The following GNAL variants were observed in gnomAD, a reference collection of about 807,000 sequenced individuals.
The protein encoded by GNAL is guanine nucleotide-binding protein G(olf) subunit alpha.
In GNAL, 18 loss-of-function variants were observed where a neutral mutation model predicts 55.1. The ratio of observed to expected loss-of-function variants is 0.33; its 90% CI spans 0.23 to 0.48. GNAL has a LOEUF of 0.48. Ranked by LOEUF, GNAL falls within the 20% of genes least tolerant of loss-of-function variation. The pLI, the probability that GNAL is intolerant of heterozygous loss-of-function variation, is 0.99. For synonymous variants in GNAL, 253 were observed against 237.0 expected (o/e 1.07, Z -0.62); for missense variants, 412 against 614.1 (o/e 0.67, Z 3.48).
intron 7 of GNAL, among the ~76,000 whole-genome samples, chr18:11,866,745 GAC>G (rs2036271444): frequency 6.7e-6 from 1 of 150,286 alleles, no homozygotes; most frequent in Non-Finnish European, 1.5e-5. Flanking sequence ...TGGGAGGGAA[GAC>G]ACAGTGTCCT....
intron 1 of GNAL, among the ~76,000 whole-genome samples, chr18:11,748,867 A>G (rs562185029): frequency 3.0e-4 from 45 of 152,148 alleles, no homozygotes; most frequent in African/African-American, 1.1e-3. Flanking sequence ...GCTCAGGTCT[A>G]TAATCCCAGC....
chr18:11,754,266 A>T (rs966451919), intron 4 of GNAL, among the ~76,000 whole-genome samples: 1 of 151,992 alleles, frequency 6.6e-6, no homozygotes, highest in Non-Finnish European at 1.5e-5. Flanking sequence ...AATACAAAAA[A>T]ATTAGCTGGG....
At chr18:11,839,326 T>G (rs1388693131) in intron 5 of GNAL, among the ~76,000 whole-genome samples, 1 of 151,926 alleles carries the variant, frequency 6.6e-6, no homozygotes, top group Admixed American at 6.6e-5. Flanking sequence ...GGAGGATCAC[T>G]TGAGCCTAGG....
intron 5 of GNAL, among the ~76,000 whole-genome samples, chr18:11,850,382 G>A (rs536164230): frequency 6.6e-6 from 1 of 152,300 alleles, no homozygotes. Flanking sequence ...AGATTAAAAT[G>A]ATCTCTAAAC....
chr18:11,852,167 G>C (rs2035889514), intron 5 of GNAL: 3 of 1,489,442 alleles, frequency 2.0e-6, no homozygotes, highest in Non-Finnish European at 2.7e-6. Flanking sequence ...AATGCTCTCT[G>C]TGTGTTAGAG....
intron 4 of GNAL, among the ~76,000 whole-genome samples, chr18:11,759,160 G>A (rs1349882901): frequency 6.0e-5 from 9 of 151,230 alleles, no homozygotes; most frequent in East Asian, 1.9e-4. Context: ...GCAACAGAGC[G>A]AGACTCCGTC....
chr18:11,806,752 TTTATC>T (rs58617621), intron 4 of GNAL, among the ~76,000 whole-genome samples: 2,911 of 151,712 alleles, frequency 0.019, 110 homozygotes, highest in African/African-American at 0.068. Context: ...TTTTTTAACT[TTTATC>T]TTAAGTTCAG....
chr18:11,881,327 C>CGA lies in GNAL; in HGVS notation c.*192_*193insGA. 2.2e-5 allele frequency: 11 copies of CGA among 495,210 alleles called. No individual in the cohort carries two copies. The highest frequency in any genetic ancestry group is 1.0e-4 in the Admixed American group (3 of 29,320). The allele number at this position is 495,210 out of a possible 1,614,324, so 30.7% of individuals were successfully genotyped here. A position where few individuals can be genotyped will look rare whatever the true frequency, so the allele number is the denominator to read the frequency against. On this transcript the variant is annotated 3_prime_UTR_variant, in exon 12 of 12. Transcript: ENST00000334049. This position sits in a 1 kb window ranked among gnomAD's most constrained non-coding sequence, Gnocchi z 4.8. ...TAGCTTCTGTTGTCATTGAATACGG[C>CGA]CTCCCGCAGCATCCCACCCCCAAAC...
intron 1 of GNAL, among the ~76,000 whole-genome samples, chr18:11,705,122 C>T (rs979430270): frequency 2.0e-5 from 3 of 150,322 alleles, no homozygotes; most frequent in Admixed American, 6.6e-5. Flanking sequence ...ACTTCCCTCT[C>T]CCCCAAACCC....
At chr18:11,717,112 A>G (rs1319803166) in intron 1 of GNAL, among the ~76,000 whole-genome samples, 2 of 152,238 alleles carry the variant, frequency 1.3e-5, no homozygotes, top group Non-Finnish European at 2.9e-5. Context: ...GCTAAGGCCC[A>G]GGGAGAAATT....
At chr18:11,774,623 C>T (rs2033727804) in intron 4 of GNAL, among the ~76,000 whole-genome samples, 1 of 152,026 alleles carries the variant, frequency 6.6e-6, no homozygotes, top group Non-Finnish European at 1.5e-5. Context: ...AAACAGAAGC[C>T]CAGAGAACAT....
At chr18:11,722,778 G>A (rs1001454963) in intron 1 of GNAL, among the ~76,000 whole-genome samples, 1 of 152,062 alleles carries the variant, frequency 6.6e-6, no homozygotes, top group Non-Finnish European at 1.5e-5. Context: ...TTGGGAGGCC[G>A]AGGCAGGTGG....
intron 5 of GNAL, among the ~76,000 whole-genome samples, chr18:11,843,983 CAA>C (rs2035676818): frequency 6.6e-6 from 1 of 151,504 alleles, no homozygotes; most frequent in Non-Finnish European, 1.5e-5. Context: ...CAAAAAAAAA[CAA>C]AAAACTTTAT....
chr18:11,789,514 T>C (rs2034169603), intron 4 of GNAL, among the ~76,000 whole-genome samples: 2 of 152,226 alleles, frequency 1.3e-5, no homozygotes, highest in Non-Finnish European at 2.9e-5. Flanking sequence ...CATGTGCATA[T>C]AACTTAAGGT....
Position 11,884,741 on chromosome 18 carries a change from G to A in GNAL, c.*3606G>A. 1 of 1,343,350 alleles carries A rather than the reference G, an allele frequency of 7.4e-7. No homozygotes were observed. The highest frequency in any genetic ancestry group is 1.0e-6 in the Non-Finnish European group (1 of 986,768). 83.2% of individuals were successfully genotyped at this position (1,343,350 alleles called of 1,614,324 possible). The stretch of plus-strand genomic sequence containing the variant: ...CTCAGGTCCCCCTCAGGTGAGGCAG[G>A]GAACGGGCCCTCCTCACCTGAGACC... On this transcript the variant is annotated 3_prime_UTR_variant, in exon 12 of 12. Transcript: ENST00000334049.
At chr18:11,861,717 C>G (rs867919100) in intron 5 of GNAL, among the ~76,000 whole-genome samples, 4 of 152,282 alleles carry the variant, frequency 2.6e-5, no homozygotes, top group Non-Finnish European at 1.5e-5. Context: ...CCAAGAGCGG[C>G]GCACAGCCTT....
In GNAL at chr18:11,768,905, A is replaced by AT. The variant is rs1393254850; in HGVS notation, c.624+14960_624+14961insT. Among the ~76,000 whole-genome samples, 56 of 109,926 alleles carry AT rather than the reference A, an allele frequency of 5.1e-4. 1 individual carries two copies. Among genetic ancestry groups the AT allele is most frequent in the African/African-American group, 6.5e-4 (13 of 20,062 alleles). The allele number at this position is 109,926 out of a possible 152,430, so 72.1% of individuals were successfully genotyped here. On this transcript the variant is annotated intron_variant, in intron 4 of 11. Transcript: ENST00000334049. ...CAAGACTCTGTCTCAAAAAAAAAAA[A>AT]AAATATATATATAACATATTATTAT...
At chr18:11,862,750 T>C (rs1039758441) in intron 6 of GNAL, among the ~76,000 whole-genome samples, 1 of 152,062 alleles carries the variant, frequency 6.6e-6, no homozygotes, top group Non-Finnish European at 1.5e-5. Flanking sequence ...AAGTCTTTAC[T>C]TCCTGGCTTC....
intron 1 of GNAL, among the ~76,000 whole-genome samples, chr18:11,724,791 G>A (rs980353006): frequency 3.9e-5 from 6 of 152,222 alleles, no homozygotes; most frequent in Non-Finnish European, 7.3e-5. Context: ...GTGGCCTGTA[G>A]TCAAGCATTC....
Sources: gnomAD v4.1 joint callset for allele counts (sites outside exome capture counted in the v4.1 genomes callset) on GRCh38, gnomAD v4.1.1 for gene constraint, Gnocchi (gnomAD v3.1) non-coding constraint, MANE v1.5 for transcripts, NCBI Gene and HGNC (gene_info 2026-07-23, HGNC 2026-07-21) for gene names.